The following AGBL4 variants were observed in gnomAD, a reference collection of about 807,000 sequenced individuals.
The protein encoded by AGBL4 is cytosolic carboxypeptidase 6.
AGBL4 carries 58 observed loss-of-function variants against 66.4 expected under a neutral mutation model. The observed-to-expected ratio is 0.87, with a 90% CI of 0.71 to 1.09. The LOEUF is 1.09. Ranked by LOEUF, AGBL4 falls within the 50% of genes least tolerant of loss-of-function variation. AGBL4 has a pLI of 0.00. For missense variants in AGBL4, 579 were observed against 631.0 expected (o/e 0.92, Z 0.88); for synonymous variants, 234 against 222.9 (o/e 1.05, Z -0.44).
At chr1:48,715,695 G>C (rs1451482930) in intron 6 of AGBL4, among the ~76,000 whole-genome samples, 1 of 20,604 alleles carries the variant, frequency 4.9e-5, no homozygotes, top group African/African-American at 8.4e-5. Context: ...CAGTGGGGAG[G>C]GAAAAAAATG....
At chr1:49,339,984 T>C (rs1431725494) in intron 3 of AGBL4, among the ~76,000 whole-genome samples, 2 of 152,196 alleles carry the variant, frequency 1.3e-5, no homozygotes, top group Non-Finnish European at 2.9e-5. Flanking sequence ...TATCCCAGTA[T>C]ACCTTGCAAT....
chr1:49,616,662 A>C (rs1645254931), intron 3 of AGBL4, among the ~76,000 whole-genome samples: 1 of 152,154 alleles, frequency 6.6e-6, no homozygotes, highest in Non-Finnish European at 1.5e-5. Context: ...ATGTCTAATA[A>C]GTATCCCAAA....
chr1:49,133,248 G>T (rs1457598572), intron 4 of AGBL4, among the ~76,000 whole-genome samples: 4 of 152,120 alleles, frequency 2.6e-5, no homozygotes, highest in African/African-American at 9.7e-5. Context: ...GGGGTTGTGG[G>T]GCTAGGGGAG....
At chr1:49,749,509 TA>T in intron 2 of AGBL4, among the ~76,000 whole-genome samples, 1 of 152,310 alleles carries the variant, frequency 6.6e-6, no homozygotes, top group East Asian at 1.9e-4. Flanking sequence ...TAAAGAATAG[TA>T]AATTGACAAA....
chr1:49,922,920 A>T (rs922727559), intron 1 of AGBL4, among the ~76,000 whole-genome samples: 2 of 152,220 alleles, frequency 1.3e-5, no homozygotes, highest in African/African-American at 4.8e-5. Context: ...TGCTATTCCT[A>T]TTAAATTAGC....
chr1:49,296,239 T>C (rs1644640633), intron 3 of AGBL4, among the ~76,000 whole-genome samples: 1 of 152,162 alleles, frequency 6.6e-6, no homozygotes, highest in Non-Finnish European at 1.5e-5. Flanking sequence ...ATTATACAGT[T>C]GAGAAAATAG....
intron 6 of AGBL4, among the ~76,000 whole-genome samples, chr1:48,686,085 C>G (rs74461466): frequency 6.6e-6 from 1 of 152,188 alleles, no homozygotes; most frequent in Non-Finnish European, 1.5e-5. Flanking sequence ...CCATTGTCAT[C>G]CCCATTTTAC....
chr1:49,195,499 T>C (rs1166311507), intron 4 of AGBL4, among the ~76,000 whole-genome samples: 1 of 152,164 alleles, frequency 6.6e-6, no homozygotes, highest in African/African-American at 2.4e-5. Flanking sequence ...TTCTGGTTTG[T>C]AAGGTGTCTG....
intron 4 of AGBL4, among the ~76,000 whole-genome samples, chr1:49,168,296 T>C (rs1646670348): frequency 6.6e-6 from 1 of 152,218 alleles, no homozygotes; most frequent in South Asian, 2.1e-4. Flanking sequence ...GCTATTAATG[T>C]AAATGTCCAG....
intron 3 of AGBL4, among the ~76,000 whole-genome samples, chr1:49,592,731 A>G (rs1644775351): frequency 6.6e-6 from 1 of 152,238 alleles, no homozygotes; most frequent in African/African-American, 2.4e-5. Flanking sequence ...TACAAAGTCA[A>G]AAAATAACAG....
intron 8 of AGBL4, among the ~76,000 whole-genome samples, chr1:48,645,172 C>T (rs1645815437): frequency 6.6e-6 from 1 of 152,190 alleles, no homozygotes; most frequent in Admixed American, 6.5e-5. Flanking sequence ...CCTGATTACA[C>T]TGCCAGCCCC....
intron 5 of AGBL4, among the ~76,000 whole-genome samples, chr1:48,870,937 T>C (rs1176264259): frequency 1.3e-5 from 2 of 152,146 alleles, no homozygotes; most frequent in Non-Finnish European, 2.9e-5. Flanking sequence ...AATTTTTAGC[T>C]AAGAAACTGG....
intron 11 of AGBL4, among the ~76,000 whole-genome samples, chr1:48,569,008 T>C (rs1293720013): frequency 1.3e-5 from 2 of 152,150 alleles, no homozygotes; most frequent in Non-Finnish European, 2.9e-5. Context: ...GAGTGAATAA[T>C]TGAATAAATG....
chr1:49,298,279 A>G (rs1169892764), intron 3 of AGBL4, among the ~76,000 whole-genome samples: 1 of 152,196 alleles, frequency 6.6e-6, no homozygotes, highest in Non-Finnish European at 1.5e-5. Flanking sequence ...ATGGGCTGAA[A>G]GTCCCACCTA....
At chr1:49,702,042 CAACA>C (rs745406999) in intron 2 of AGBL4, among the ~76,000 whole-genome samples, 14 of 150,860 alleles carry the variant, frequency 9.3e-5, no homozygotes, top group Non-Finnish European at 1.5e-4. Context: ...TCTGGAAAGA[CAACA>C]AACAAAGTTG....
At chr1:49,889,222 G>A (rs1027712120) in intron 1 of AGBL4, among the ~76,000 whole-genome samples, 2 of 152,170 alleles carry the variant, frequency 1.3e-5, no homozygotes, top group African/African-American at 2.4e-5. Flanking sequence ...ATCTGTAGTC[G>A]TAGCTACTCC....
At chr1:48,854,684 G>A (rs1029291106) in intron 6 of AGBL4, among the ~76,000 whole-genome samples, 2 of 152,054 alleles carry the variant, frequency 1.3e-5, no homozygotes, top group African/African-American at 4.8e-5. Context: ...TCAGCCAATC[G>A]GCACAACAGA....
At chr1:49,450,100 A>G (rs1422785668) in intron 3 of AGBL4, among the ~76,000 whole-genome samples, 1 of 152,100 alleles carries the variant, frequency 6.6e-6, no homozygotes, top group Non-Finnish European at 1.5e-5. Flanking sequence ...CAATTTTTAA[A>G]TATTTGATGT....
chr1:49,276,799 AG>A (rs1644176783), intron 3 of AGBL4, among the ~76,000 whole-genome samples: 2 of 152,154 alleles, frequency 1.3e-5, no homozygotes, highest in South Asian at 4.1e-4. Context: ...TAAAACCTCA[AG>A]GTGGTTTATA....
Sources: gnomAD v4.1 joint callset for allele counts (sites outside exome capture counted in the v4.1 genomes callset) on GRCh38, gnomAD v4.1.1 for gene constraint, MANE v1.5 for transcripts, NCBI Gene and HGNC (gene_info 2026-07-23, HGNC 2026-07-21) for gene names.